Variants in RFC1 observed in about 807,000 individuals in gnomAD.
RFC1 encodes A1 140 kDa subunit.
A neutral mutation model predicts 137.4 loss-of-function variants in RFC1; 37 were observed. That is an observed-to-expected ratio of 0.27 (90% confidence interval 0.21 to 0.35). RFC1 has a LOEUF of 0.35. RFC1 is among the 10% of genes least tolerant of loss of function. RFC1 has a pLI of 1.00. For synonymous variants in RFC1, 429 were observed against 455.7 expected, an observed-to-expected ratio of 0.94 and a Z score of 0.75; for missense variants, 1,205 against 1,358.5, an observed-to-expected ratio of 0.89 and a Z score of 1.78.
intron 14 of RFC1, among the ~76,000 whole-genome samples, chr4:39,306,248 T>G (rs1215803262): frequency 6.6e-6 from 1 of 152,208 alleles, no homozygotes; most frequent in Non-Finnish European, 1.5e-5. Context: ...AGATAATTAT[T>G]CAGTACACAG....
intron 1 of RFC1, chr4:39,365,315 GC>G (rs57378978): frequency 0.38 from 81,917 of 218,180 alleles, 16,947 homozygotes; most frequent in Non-Finnish European, 0.43. Context: ...AATTTTCACC[GC>G]CCCCCCCCAG....
chr4:39,303,233 G>A, intron 15 of RFC1, 82 bp from the exon 16 acceptor site: 2 of 831,640 alleles, frequency 2.4e-6, no homozygotes, highest in Non-Finnish European at 4.1e-6. Context: ...AGAAAATTAT[G>A]TAACAGATAT....
chr4:39,356,297 G>A (rs1741476844), intron 1 of RFC1, among the ~76,000 whole-genome samples: 1 of 152,088 alleles, frequency 6.6e-6, no homozygotes, highest in Admixed American at 6.6e-5. Flanking sequence ...TACTCAGGAG[G>A]CTGAGGCAGG....
intron 10 of RFC1, among the ~76,000 whole-genome samples, chr4:39,315,120 C>T (rs776603881): frequency 3.9e-5 from 6 of 152,176 alleles, no homozygotes; most frequent in Non-Finnish European, 7.4e-5. Context: ...ATTTTGTCTC[C>T]TCACACTCAC....
chr4:39,290,337 C>T (rs1737600699), intron 23 of RFC1, among the ~76,000 whole-genome samples: 1 of 150,432 alleles, frequency 6.6e-6, no homozygotes, highest in South Asian at 2.1e-4. Context: ...TGCGCCACTG[C>T]ACTCCAGGCT....
rs1240854199 is a variant in RFC1, at chr4:39,308,616, G to A, written c.1885+20C>T. ...TGTTGATATACACACACACAAAAAT[G>A]AGTGAGGTTGTAAAATCACCGTGTT... On this transcript the variant is annotated intron_variant, in intron 13 of 24. Coordinates refer to ENST00000349703, the MANE Select transcript of RFC1 (RefSeq NM_002913.5). 6.3e-7 allele frequency: 1 copy of A among 1,598,258 alleles called. No homozygotes were observed. The highest frequency in any genetic ancestry group is 1.1e-5 in the South Asian group (1 of 89,042).
intron 3 of RFC1, among the ~76,000 whole-genome samples, chr4:39,343,222 T>C (rs529871603): frequency 2.0e-5 from 3 of 151,968 alleles, no homozygotes; most frequent in Non-Finnish European, 2.9e-5. Flanking sequence ...AGGGTTTTAC[T>C]ATGTTGGCCA....
chr4:39,336,944 A>G (rs925334342), intron 4 of RFC1, among the ~76,000 whole-genome samples: 1 of 152,282 alleles, frequency 6.6e-6, no homozygotes, highest in Non-Finnish European at 1.5e-5. Context: ...AGGAACACAA[A>G]GATAAATCTA....
chr4:39,298,835 T>TA (rs1738174054), intron 21 of RFC1, among the ~76,000 whole-genome samples: 1 of 152,234 alleles, frequency 6.6e-6, no homozygotes, highest in Non-Finnish European at 1.5e-5. Context: ...AAGGCCAGAT[T>TA]GGGCCGGGCG....
rs113693962 is a variant in RFC1, at chr4:39,304,208, A to G, written c.2110+606T>C. ...TAGGCACTGTGCGGTCCTTAACTTGAGCATCTTATTTTCCATGAACTCTGG... is the reference window on the plus strand; with the variant it reads ...TAGGCACTGTGCGGTCCTTAACTTGGGCATCTTATTTTCCATGAACTCTGG... On this transcript the variant is annotated intron_variant, in intron 15 of 24. Transcript: ENST00000349703. 4.9e-3 allele frequency among the ~76,000 whole-genome samples: 740 copies of G among 152,274 alleles called. 1 individual carries two copies. The highest frequency in any genetic ancestry group is 0.017 in the African/African-American group (705 of 41,552).
At chr4:39,311,998 G>T (rs1261919314) in intron 11 of RFC1, among the ~76,000 whole-genome samples, 1 of 152,154 alleles carries the variant, frequency 6.6e-6, no homozygotes, top group Non-Finnish European at 1.5e-5. Context: ...AAACGTCTTG[G>T]TTCTTCCCAA....
At chr4:39,314,405 T>C (rs1739130088) in intron 10 of RFC1, among the ~76,000 whole-genome samples, 1 of 152,178 alleles carries the variant, frequency 6.6e-6, no homozygotes, top group South Asian at 2.1e-4. Context: ...TGATTATCTT[T>C]TTACTTATCC....
At chr4:39,334,585 T>G (rs1181840292) in intron 4 of RFC1, among the ~76,000 whole-genome samples, 1 of 152,208 alleles carries the variant, frequency 6.6e-6, no homozygotes, top group Non-Finnish European at 1.5e-5. Flanking sequence ...TTGTTCTTGT[T>G]TTCTAATAAG....
intron 15 of RFC1, among the ~76,000 whole-genome samples, chr4:39,303,443 T>C (rs1017354280): frequency 6.6e-6 from 1 of 151,562 alleles, no homozygotes; most frequent in South Asian, 2.1e-4. Flanking sequence ...CATAAAAATA[T>C]ACAACTGAGT....
chr4:39,341,203 C>T (rs891863316), intron 4 of RFC1, among the ~76,000 whole-genome samples: 4 of 152,194 alleles, frequency 2.6e-5, no homozygotes, highest in South Asian at 2.1e-4. Context: ...CTAACTTTGA[C>T]GTTTTTCAGG....
intron 1 of RFC1, among the ~76,000 whole-genome samples, chr4:39,361,351 C>T (rs1741744322): frequency 2.0e-5 from 3 of 151,978 alleles, no homozygotes; most frequent in Non-Finnish European, 2.9e-5. Flanking sequence ...ATCACGCCAC[C>T]ACACTCCAGC....
chr4:39,356,630 T>C (rs1372933325), intron 1 of RFC1, among the ~76,000 whole-genome samples: 1 of 152,234 alleles, frequency 6.6e-6, no homozygotes, highest in African/African-American at 2.4e-5. Context: ...ATATTATTTC[T>C]GAGCTAAGTT....
chr4:39,356,527 TTATG>T (rs2109771322), intron 1 of RFC1, among the ~76,000 whole-genome samples: 1 of 152,320 alleles, frequency 6.6e-6, no homozygotes, highest in African/African-American at 2.4e-5. Flanking sequence ...TTTTTAAAGA[TTATG>T]TATTAAAAGA....
rs1451149913 is a variant in RFC1, at chr4:39,289,866, T to G, written c.3342A>C (p.Glu1114Asp). The G allele has an allele frequency of 5.0e-6, 8 of 1,611,806 alleles. No homozygotes were observed. The highest frequency in any genetic ancestry group is 6.8e-6 in the Non-Finnish European group (8 of 1,177,996). The change falls in exon 24 of 25, where the codon GAA becomes GAC. Residue 1114 changes from glutamate (E) to aspartate (D), a missense_variant. Glu to Asp is a conservative substitution (Grantham distance 45, BLOSUM62 2). Transcript: ENST00000349703. ...QSDEKDQDAI[E>D]TDAMIKKKTK... Reference sequence around the variant, plus strand: ...ATACTACCTTGATCATGGCATCAGTTTCTATAGCATCTTGGTCTTTCTCAT... The same window carrying G: ...ATACTACCTTGATCATGGCATCAGTGTCTATAGCATCTTGGTCTTTCTCAT...
Sources: allele counts gnomAD v4.1 joint callset (sites outside exome capture counted in the v4.1 genomes callset), GRCh38; gene constraint gnomAD v4.1.1; transcripts MANE v1.5; gene names NCBI Gene and HGNC (gene_info 2026-07-23, HGNC 2026-07-21).